Variants in CTIF observed in about 807,000 individuals in gnomAD.
CTIF encodes the protein CBP80/20-dependent translation initiation factor.
CTIF carries 21 observed loss-of-function variants against 66.0 expected under a neutral mutation model. The ratio of observed to expected loss-of-function variants is 0.32; its 90% confidence interval spans 0.23 to 0.46. CTIF has a LOEUF of 0.46. Ranked by LOEUF, CTIF falls within the 20% of genes least tolerant of loss-of-function variation. The pLI is 1.00. For synonymous variants in CTIF, 345 were observed against 326.4 expected (o/e 1.06, Z -0.62); for missense variants, 739 against 812.7 (o/e 0.91, Z 1.10).
intron 6 of CTIF, among the ~76,000 whole-genome samples, chr18:48,707,696 C>T (rs2086597): frequency 0.31 from 47,186 of 151,870 alleles, 8,375 homozygotes; most frequent in African/African-American, 0.48. Flanking sequence ...CCCCCAGATA[C>T]TTTTTACCTT....
chr18:48,539,712 G>A (rs1267824305), intron 1 of CTIF: 2 of 152,710 alleles, frequency 1.3e-5, no homozygotes, highest in East Asian at 1.9e-4. Context: ...TCCGACCTGG[G>A]AGGAGGAAAA....
chr18:48,697,361 T>G (rs2092022260), intron 6 of CTIF, among the ~76,000 whole-genome samples: 1 of 152,234 alleles, frequency 6.6e-6, no homozygotes, highest in African/African-American at 2.4e-5. Context: ...GATGGAGTAC[T>G]AGGAAGTTTG....
intron 7 of CTIF, among the ~76,000 whole-genome samples, chr18:48,718,644 A>G (rs1481281560): frequency 6.6e-6 from 1 of 152,098 alleles, no homozygotes; most frequent in Non-Finnish European, 1.5e-5. Context: ...GATGGTGCCC[A>G]TCCACACTGG....
chr18:48,703,418 CG>C (rs1372080540), intron 6 of CTIF, among the ~76,000 whole-genome samples: 2 of 152,166 alleles, frequency 1.3e-5, no homozygotes, highest in African/African-American at 4.8e-5. Flanking sequence ...CACCACTGCA[CG>C]GCTGCACCAC....
At chr18:48,846,282 T>A (rs947577945) in intron 10 of CTIF, among the ~76,000 whole-genome samples, 1 of 152,266 alleles carries the variant, frequency 6.6e-6, no homozygotes, top group Non-Finnish European at 1.5e-5. Flanking sequence ...CCTGGAGTTC[T>A]CCACCACCGC....
At chr18:48,719,986 C>T (rs552441560) in intron 7 of CTIF, among the ~76,000 whole-genome samples, 4 of 152,222 alleles carry the variant, frequency 2.6e-5, no homozygotes, top group African/African-American at 4.8e-5. Flanking sequence ...ACATACAAAA[C>T]GAGGTTATGT....
At chr18:48,706,016 G>A (rs941679448) in intron 6 of CTIF, among the ~76,000 whole-genome samples, 12 of 152,128 alleles carry the variant, frequency 7.9e-5, no homozygotes, top group African/African-American at 2.9e-4. Flanking sequence ...CTGTTGCATG[G>A]CGGGCCCCCT....
intron 6 of CTIF, among the ~76,000 whole-genome samples, chr18:48,686,767 C>T (rs2091848136): frequency 6.6e-6 from 1 of 152,156 alleles, no homozygotes; most frequent in Admixed American, 6.5e-5. Flanking sequence ...CTCCTGGTAC[C>T]TGGGGCCTGC....
chr18:48,615,801 G>A (rs75613110), intron 1 of CTIF, among the ~76,000 whole-genome samples: 6,071 of 152,306 alleles, frequency 0.04, 436 homozygotes, highest in African/African-American at 0.14. Context: ...GTGAGGCGCC[G>A]CTGGGCTACC....
At position 48,861,517 on chromosome 18, in the gene CTIF, C is replaced by G. The variant is rs926371517; in HGVS notation, c.*1958C>G. ...AGGGCAGGCCCCAGGGCGAGCTTGC[C>G]ATCGTGGCCAGGCAGCCTCCACCTG... On this transcript the variant is annotated 3_prime_UTR_variant, in exon 12 of 12. Transcript: ENST00000256413. The G allele has an allele frequency of 6.6e-6, 1 of 152,398 alleles. No individual in the cohort carries two copies. Among genetic ancestry groups the G allele is most frequent in the Non-Finnish European group, 1.5e-5 (1 of 68,150 alleles). 9.4% of individuals were successfully genotyped at this position (152,398 alleles called of 1,614,324 possible).
At chr18:48,686,207 T>A (rs1456560137) in intron 6 of CTIF, among the ~76,000 whole-genome samples, 2 of 152,236 alleles carry the variant, frequency 1.3e-5, no homozygotes, top group African/African-American at 4.8e-5. Context: ...TCTATTTTTC[T>A]TTTATCTGTT....
At chr18:48,576,414 G>C (rs904251268) in intron 1 of CTIF, among the ~76,000 whole-genome samples, 4 of 152,214 alleles carry the variant, frequency 2.6e-5, no homozygotes, top group Non-Finnish European at 5.9e-5. Flanking sequence ...TCTTGAGATG[G>C]CCTTTTGGTT....
chr18:48,682,605 C>G (rs931311349), intron 6 of CTIF, among the ~76,000 whole-genome samples: 1 of 152,214 alleles, frequency 6.6e-6, no homozygotes, highest in Non-Finnish European at 1.5e-5. Context: ...TCCCCTATCC[C>G]CTTCTATCTG....
intron 6 of CTIF, among the ~76,000 whole-genome samples, chr18:48,673,109 A>G (rs892413833): frequency 2.0e-5 from 3 of 151,436 alleles, no homozygotes; most frequent in Admixed American, 6.6e-5. Flanking sequence ...CCCTGCCCCC[A>G]TCTCTGTGGC....
At chr18:48,559,484 G>C (rs945212059) in intron 1 of CTIF, among the ~76,000 whole-genome samples, 5 of 152,206 alleles carry the variant, frequency 3.3e-5, no homozygotes, top group Non-Finnish European at 5.9e-5. Context: ...ACTGTAGGCT[G>C]TGTGAAAAAC....
At chr18:48,630,463 A>G (rs929947327) in intron 2 of CTIF, among the ~76,000 whole-genome samples, 2 of 152,212 alleles carry the variant, frequency 1.3e-5, no homozygotes, top group Non-Finnish European at 2.9e-5. Context: ...CAAGGCAGAT[A>G]TCTAAGGTCA....
chr18:48,797,405 C>T (rs889369106), intron 9 of CTIF, among the ~76,000 whole-genome samples: 1 of 151,274 alleles, frequency 6.6e-6, no homozygotes, highest in Non-Finnish European at 1.5e-5. Context: ...ATCACTTGAA[C>T]CCAGTGGGCG....
At chr18:48,645,650 C>T (rs948360868) in intron 3 of CTIF, among the ~76,000 whole-genome samples, 1 of 152,226 alleles carries the variant, frequency 6.6e-6, no homozygotes, top group South Asian at 2.1e-4. Flanking sequence ...TGACTTGCAC[C>T]CCCACTGGGC....
At chr18:48,753,842 G>A (rs562632545) in intron 7 of CTIF, among the ~76,000 whole-genome samples, 24 of 152,336 alleles carry the variant, frequency 1.6e-4, no homozygotes, top group African/African-American at 5.8e-4. Flanking sequence ...TCCTTGCCGG[G>A]TTGCTGGGAG....
Sources: allele counts gnomAD v4.1 joint callset (sites outside exome capture counted in the v4.1 genomes callset), GRCh38; gene constraint gnomAD v4.1.1; transcripts MANE v1.5; gene names NCBI Gene and HGNC (gene_info 2026-07-23, HGNC 2026-07-21).